RSPH14: variants seen among roughly 807,000 people sequenced by gnomAD.
The protein encoded by RSPH14 is rhabdoid tumor deletion region gene 1.
A neutral mutation model predicts 26.7 loss-of-function variants in RSPH14; 20 were observed. The ratio of observed to expected loss-of-function variants is 0.75; its 90% confidence interval spans 0.53 to 1.09. RSPH14 has a LOEUF of 1.09. Among genes scored for constraint, RSPH14 ranks in the 50% least tolerant of loss-of-function variants. The pLI, the probability that RSPH14 is intolerant of heterozygous loss-of-function variation, is 0.00. For synonymous variants in RSPH14, 177 were observed against 189.3 expected (o/e 0.93, Z 0.53); for missense variants, 449 against 457.2 (o/e 0.98, Z 0.16).
chr22:23,150,224 A>C, the RSPH14 span: 50 of 1,208,484 alleles, frequency 4.1e-5, no homozygotes, highest in African/African-American at 6.9e-4. Flanking sequence ...CACGTGAAAG[A>C]ATGAACAAAT....
intron 4 of RSPH14, among the ~76,000 whole-genome samples, chr22:23,117,643 C>A (rs895853410): frequency 1.3e-5 from 2 of 152,250 alleles, no homozygotes; most frequent in African/African-American, 4.8e-5. Flanking sequence ...GTGGTAGCCA[C>A]AGGGCAAGGC....
intron 4 of RSPH14, among the ~76,000 whole-genome samples, chr22:23,113,118 CAT>C (rs1462752957): frequency 1.3e-5 from 2 of 152,232 alleles, no homozygotes; most frequent in African/African-American, 4.8e-5. Flanking sequence ...CAGGAAGACA[CAT>C]GTTAGACAGC....
chr22:23,132,637 A>ACGC (rs79542023), intron 4 of RSPH14: 1 of 151,722 alleles, frequency 6.6e-6, no homozygotes, highest in Non-Finnish European at 1.5e-5. Context: ...GACAGAAAAA[A>ACGC]ATCTATGATT....
intron 4 of RSPH14, among the ~76,000 whole-genome samples, chr22:23,098,501 T>C (rs1185368219): frequency 6.6e-6 from 1 of 152,226 alleles, no homozygotes; most frequent in Non-Finnish European, 1.5e-5. Flanking sequence ...CAGCAGCCAC[T>C]GGCCTGGTCT....
In RSPH14 at chr22:23,059,519, G is replaced by C. The variant is rs562005742; in HGVS notation, c.990C>G (p.Ala330=). The part of the protein sequence containing the change: ...EVETYEKPQV[A]EALQRAARIA... The stretch of plus-strand genomic sequence containing the variant: ...TCCGGGCTGCCCGCTGTAAGGCTTC[G>C]GCCACTTGAGGCTTTTCGTAAGTCT... The change falls in exon 7 of 7, where the codon GCC becomes GCG. Residue 330 remains alanine, a synonymous_variant. Coordinates refer to ENST00000216036, the MANE Select transcript of RSPH14 (RefSeq NM_014433.3). 6.2e-7 allele frequency: 1 copy of C among 1,614,106 alleles called. No individual in the cohort carries two copies. Among genetic ancestry groups the C allele is most frequent in the Non-Finnish European group, 8.5e-7 (1 of 1,179,968 alleles).
chr22:23,074,693 G>A lies in RSPH14; in HGVS notation c.422-10560C>T, dbSNP rs139203830. ...TGGGGAGGATGAGTTGAGAAGCATC[G>A]AGAAAGAGAGATTGAGGATTGACGG... On this transcript the variant is annotated intron_variant, in intron 4 of 6. Transcript: ENST00000216036. 2.9e-3 allele frequency among the ~76,000 whole-genome samples: 437 copies of A among 152,274 alleles called. 1 individual carries two copies. Among genetic ancestry groups the A allele is most frequent in the East Asian group, 5.8e-3 (30 of 5,182 alleles).
chr22:23,086,993 C>T (rs2068837965), intron 4 of RSPH14, among the ~76,000 whole-genome samples: 1 of 152,190 alleles, frequency 6.6e-6, no homozygotes, highest in African/African-American at 2.4e-5. Flanking sequence ...CATGCGGCTC[C>T]GATAAGTCGG....
At chr22:23,140,092 A>G in intron 2 of RSPH14, 130 bp downstream of exon 2, 2 of 1,121,998 alleles carry the variant, frequency 1.8e-6, no homozygotes, top group Non-Finnish European at 2.5e-6. Context: ...GAACCCGGGC[A>G]CCGCACCTAT....
At chr22:23,160,529 C>G in the RSPH14 span, among the ~76,000 whole-genome samples, 1 of 152,222 alleles carries the variant, frequency 6.6e-6, no homozygotes, top group African/African-American at 2.4e-5. Context: ...CATATCTGTC[C>G]TGAGTTCCAC....
intron 4 of RSPH14, among the ~76,000 whole-genome samples, chr22:23,076,263 C>G (rs1355597955): frequency 1.3e-5 from 2 of 152,218 alleles, no homozygotes; most frequent in Non-Finnish European, 1.5e-5. Flanking sequence ...TTGATTCATT[C>G]ATCGTATGTG....
intron 4 of RSPH14, among the ~76,000 whole-genome samples, chr22:23,112,410 C>T (rs1159177160): frequency 6.6e-6 from 1 of 152,212 alleles, no homozygotes; most frequent in Non-Finnish European, 1.5e-5. Context: ...GTGGCAATGC[C>T]TTCCACCAGG....
Position 23,134,154 on chromosome 22 carries a change from G to A in RSPH14, c.303-10C>T. On this transcript the variant is annotated splice_polypyrimidine_tract_variant and intron_variant, in intron 3 of 6. Transcript: ENST00000216036. The stretch of plus-strand genomic sequence containing the variant: ...CTCTAGAAAGGCGTATCTAGGGAAG[G>A]GAGGGTGGACAGTGACATAAGTGAG... The A allele has an allele frequency of 2.5e-6, 4 of 1,593,416 alleles. No homozygotes were observed. Among genetic ancestry groups the A allele is most frequent in the Non-Finnish European group, 3.4e-6 (4 of 1,164,318 alleles).
intron 4 of RSPH14, among the ~76,000 whole-genome samples, chr22:23,086,782 TCCCACTGGGTGGGGCCAGCATGACAGGA>T: frequency 6.6e-6 from 1 of 152,256 alleles, no homozygotes; most frequent in African/African-American, 2.4e-5. Context: ...GGAGCCCACT[TCCCACTGGGTGGGGCCAGCATGACAGGA>T]TTGAAGGCAG....
At chr22:23,066,540 C>A (rs1484923438) in intron 4 of RSPH14, among the ~76,000 whole-genome samples, 1 of 152,160 alleles carries the variant, frequency 6.6e-6, no homozygotes, top group African/African-American at 2.4e-5. Context: ...CATTTTGAGA[C>A]AGAGGGAGAA....
At chr22:23,106,779 A>G (rs896266453) in intron 4 of RSPH14, among the ~76,000 whole-genome samples, 29 of 152,232 alleles carry the variant, frequency 1.9e-4, no homozygotes, top group African/African-American at 6.3e-4. Flanking sequence ...GCTCCCCACC[A>G]CACAGATGAG....
chr22:23,079,023 C>T (rs995694438), intron 4 of RSPH14, among the ~76,000 whole-genome samples: 2 of 152,198 alleles, frequency 1.3e-5, no homozygotes, highest in Non-Finnish European at 2.9e-5. Flanking sequence ...ATTCCTCACT[C>T]AGTCACTACG....
the RSPH14 span, among the ~76,000 whole-genome samples, chr22:23,168,444 T>C: frequency 1.6e-3 from 237 of 152,280 alleles, 1 homozygote; most frequent in Non-Finnish European, 2.8e-3. Context: ...CCTCCTCTCC[T>C]GAGGGAGAAG....
At chr22:23,161,068 C>T in the RSPH14 span, 35 of 1,525,414 alleles carry the variant, frequency 2.3e-5, no homozygotes, top group African/African-American at 2.8e-5. Context: ...GCGCCATCCT[C>T]GTCACCTGAG....
intron 4 of RSPH14, among the ~76,000 whole-genome samples, chr22:23,103,640 T>A (rs2069370932): frequency 7.0e-6 from 1 of 143,164 alleles, no homozygotes; most frequent in Non-Finnish European, 1.5e-5. Flanking sequence ...CAACCTTGCA[T>A]TGGCTAACAC....
Sources: allele counts gnomAD v4.1 joint callset (sites outside exome capture counted in the v4.1 genomes callset), GRCh38; gene constraint gnomAD v4.1.1; transcripts MANE v1.5; gene names NCBI Gene and HGNC (gene_info 2026-07-23, HGNC 2026-07-21).